The following PAM variants were observed in gnomAD, a reference collection of about 807,000 sequenced individuals.
The protein encoded by PAM is peptidylglycine alpha-amidating monooxygenase.
Under a neutral mutation model 122.1 loss-of-function variants are expected in PAM, and 72 were observed. The ratio of observed to expected loss-of-function variants is 0.59; its 90% CI spans 0.49 to 0.72. PAM has a LOEUF of 0.72. Among genes scored for constraint, PAM ranks in the 30% least tolerant of loss-of-function variants. The pLI is 0.00. For synonymous variants in PAM, 389 were observed against 404.4 expected (o/e 0.96, Z 0.46); for missense variants, 1,106 against 1,183.7 (o/e 0.93, Z 0.96).
chr5:102,859,260 A>G (rs1783444799), intron 1 of PAM, among the ~76,000 whole-genome samples: 1 of 152,054 alleles, frequency 6.6e-6, no homozygotes. Flanking sequence ...TATTGCCCAG[A>G]AGACCTTCTG....
At position 102,983,013 on chromosome 5, in the gene PAM, A is replaced by G. The variant is rs142958980; in HGVS notation, c.1484-7259A>G. Among the ~76,000 whole-genome samples, 707 of 152,286 alleles carry G rather than the reference A, an allele frequency of 4.6e-3. 4 individuals carry two copies. Among genetic ancestry groups the G allele is most frequent in the African/African-American group, 0.015 (634 of 41,574 alleles). ...TCTGAATGAGAAATTTGACAAAGAGATATTATAAAAAAGAGTGAAACAGAA... is the reference window on the plus strand; with the variant it reads ...TCTGAATGAGAAATTTGACAAAGAGGTATTATAAAAAAGAGTGAAACAGAA... On this transcript the variant is annotated intron_variant, in intron 15 of 25. Transcript: ENST00000438793.
rs189353044 is a variant in PAM, at chr5:102,785,356, A to G, written c.-374+30008A>G. 3.5e-4 allele frequency among the ~76,000 whole-genome samples: 53 copies of G among 152,364 alleles called. 1 individual carries two copies. In the East Asian group the frequency reaches 4.2e-3, roughly 12 times the overall value. ...AGTTTGAGAACCTCTGTTATAAACA[A>G]TTGGAAACTTAAAAAGCTTTGTACT... On this transcript the variant is annotated intron_variant, in intron 1 of 25. Transcript: ENST00000438793.
intron 1 of PAM, among the ~76,000 whole-genome samples, chr5:102,857,873 A>G (rs1190236839): frequency 6.6e-6 from 1 of 152,206 alleles, no homozygotes; most frequent in Non-Finnish European, 1.5e-5. Flanking sequence ...CCTATTTGTT[A>G]TACCTGAAGA....
intron 1 of PAM, among the ~76,000 whole-genome samples, chr5:102,802,000 G>C (rs752897160): frequency 7.0e-6 from 1 of 143,564 alleles, no homozygotes; most frequent in Non-Finnish European, 1.5e-5. Flanking sequence ...GGATGGTCTC[G>C]ATCTGATCTC....
intron 1 of PAM, among the ~76,000 whole-genome samples, chr5:102,772,992 C>G (rs1339705601): frequency 2.0e-5 from 3 of 151,982 alleles, no homozygotes; most frequent in African/African-American, 7.2e-5. Flanking sequence ...CAGTTCAGAG[C>G]AATAGGACTT....
intron 13 of PAM, among the ~76,000 whole-genome samples, 173 bp from the exon 14 acceptor site, chr5:102,960,985 T>TG (rs1053517100): frequency 1.1e-5 from 1 of 87,782 alleles, no homozygotes; most frequent in African/African-American, 4.6e-5. Context: ...TGCTGGGGGG[T>TG]GGGGGGTGGG....
At chr5:102,911,948 C>T (rs191527027) in intron 4 of PAM, among the ~76,000 whole-genome samples, 6 of 152,064 alleles carry the variant, frequency 3.9e-5, no homozygotes, top group Admixed American at 6.6e-5. Flanking sequence ...CATCCATCCT[C>T]GCAGCTTCAG....
At chr5:102,912,561 CCTT>C (rs1200103563) in intron 4 of PAM, among the ~76,000 whole-genome samples, 2 of 151,944 alleles carry the variant, frequency 1.3e-5, no homozygotes, top group East Asian at 1.9e-4. Flanking sequence ...GATATAGAAT[CCTT>C]CTTCTTTCTT....
At chr5:102,982,063 T>C (rs1281722834) in intron 15 of PAM, among the ~76,000 whole-genome samples, 1 of 151,916 alleles carries the variant, frequency 6.6e-6, no homozygotes, top group Admixed American at 6.6e-5. Context: ...CCCACATCAT[T>C]GAGGCCTGGG....
At chr5:102,965,644 T>G (rs1763866207) in intron 14 of PAM, among the ~76,000 whole-genome samples, 2 of 152,028 alleles carry the variant, frequency 1.3e-5, no homozygotes, top group Admixed American at 1.3e-4. Flanking sequence ...AATCTCCTCA[T>G]TGTAGTCTTT....
downstream of PAM, chr5:103,030,060 A>G (rs374897541): frequency 2.9e-4 from 44 of 152,294 alleles, no homozygotes; most frequent in African/African-American, 1.1e-3. Context: ...ATCACTAATA[A>G]TAGTTTTCCT....
At chr5:102,976,847 G>A (rs1767838623) in intron 15 of PAM, among the ~76,000 whole-genome samples, 1 of 152,138 alleles carries the variant, frequency 6.6e-6, no homozygotes, top group Non-Finnish European at 1.5e-5. Flanking sequence ...TATTTCCAAT[G>A]TGCATCTTCT....
chr5:102,920,059 G>T (rs1288275140), intron 5 of PAM, among the ~76,000 whole-genome samples: 1 of 152,048 alleles, frequency 6.6e-6, no homozygotes, highest in African/African-American at 2.4e-5. Context: ...CCAGAACTGT[G>T]AAATCGGAAC....
chr5:102,949,202 T>C (rs1040945369), intron 9 of PAM, among the ~76,000 whole-genome samples: 4 of 152,118 alleles, frequency 2.6e-5, no homozygotes, highest in Non-Finnish European at 5.9e-5. Flanking sequence ...AAAAATTCTT[T>C]CATTCCAAAA....
intron 1 of PAM, among the ~76,000 whole-genome samples, chr5:102,816,907 G>T (rs993537067): frequency 2.0e-5 from 3 of 151,952 alleles, no homozygotes. Context: ...ATTTCTGCTT[G>T]GGGTATCTAA....
intron 5 of PAM, among the ~76,000 whole-genome samples, chr5:102,916,498 C>A (rs1803140969): frequency 6.6e-6 from 1 of 151,666 alleles, no homozygotes; most frequent in East Asian, 1.9e-4. Flanking sequence ...TGTTATTCAT[C>A]ATCTTTTAAC....
At chr5:102,929,881 TC>T (rs1008706099) in intron 7 of PAM, among the ~76,000 whole-genome samples, 73 of 151,876 alleles carry the variant, frequency 4.8e-4, no homozygotes, top group Non-Finnish European at 5.9e-5. Context: ...TTTTTTTTTT[TC>T]TTTTAGCTCA....
chr5:102,807,625 A>G (rs1766588497), intron 1 of PAM, among the ~76,000 whole-genome samples: 1 of 152,212 alleles, frequency 6.6e-6, no homozygotes, highest in Admixed American at 6.5e-5. Flanking sequence ...CTCATGGAGA[A>G]GTAAATAGAG....
At position 102,990,332 on chromosome 5, in the gene PAM, C is replaced by T; in HGVS notation, c.1544C>T (p.Ser515Phe). The change falls in exon 16 of 26, where the codon TCT becomes TTT. Residue 515 changes from serine (S) to phenylalanine (F), a missense_variant. Physicochemically the swap from Ser to Phe is radical, Grantham distance 155. This residue lies in a region of PAM where 670 missense variants were observed against 690.3 expected (regional missense o/e 0.97). Coordinates refer to ENST00000438793, the MANE Select transcript of PAM (RefSeq NM_001177306.2). ...PGVYLLPGQV[S>F]GVALDPKNNL... is the part of the protein sequence containing the mutation. ...GTATACTTGTTACCAGGCCAGGTTT[C>T]TGGGGTGGCTCTAGACCCTAAGAAT... 6.2e-7 allele frequency: 1 copy of T among 1,609,594 alleles called. No individual in the cohort carries two copies. The highest frequency in any genetic ancestry group is 8.5e-7 in the Non-Finnish European group (1 of 1,176,864).
Sources: gnomAD v4.1 joint callset for allele counts (sites outside exome capture counted in the v4.1 genomes callset) on GRCh38, gnomAD v4.1.1 for gene constraint, gnomAD v4.1.1 regional missense constraint, MANE v1.5 for transcripts, NCBI Gene and HGNC (gene_info 2026-07-23, HGNC 2026-07-21) for gene names.